The following ABCA10 variants were observed in gnomAD, a reference collection of about 807,000 sequenced individuals.
The protein encoded by ABCA10 is ATP binding cassette subfamily A member 10.
A neutral mutation model predicts 187.5 loss-of-function variants in ABCA10; 169 were observed. The observed-to-expected ratio is 0.90, with a 90% CI of 0.80 to 1.02. The LOEUF is 1.02. Ranked by LOEUF, ABCA10 falls within the 50% of genes least tolerant of loss-of-function variation. ABCA10 has a pLI of 0.00. For missense variants in ABCA10, 1,727 were observed against 1,812.4 expected, an observed-to-expected ratio of 0.95 and a Z score of 0.86; for synonymous variants, 574 against 601.8, an observed-to-expected ratio of 0.95 and a Z score of 0.68.
At chr17:69,176,549 C>G (rs1422214139) in intron 22 of ABCA10, among the ~76,000 whole-genome samples, 1 of 151,852 alleles carries the variant, frequency 6.6e-6, no homozygotes, top group Non-Finnish European at 1.5e-5. Context: ...ACCAGATTAC[C>G]AGGGGCTAAA....
chr17:69,213,163 C>T (rs886235583), intron 9 of ABCA10, among the ~76,000 whole-genome samples: 31 of 152,240 alleles, frequency 2.0e-4, no homozygotes, highest in African/African-American at 7.5e-4. Flanking sequence ...CATTGGCCTC[C>T]AACCAGGAGG....
At chr17:69,181,520 A>G (rs1048600986) in intron 22 of ABCA10, among the ~76,000 whole-genome samples, 1 of 152,008 alleles carries the variant, frequency 6.6e-6, no homozygotes, top group African/African-American at 2.4e-5. Flanking sequence ...GCCATAAAAC[A>G]TAACTCTACA....
chr17:69,194,448 G>A lies in ABCA10; in HGVS notation c.1282C>T (p.His428Tyr). Residue 428 changes from histidine (H) to tyrosine (Y), a missense_variant, in exon 12 of 39, where the codon CAT (histidine) becomes TAT (tyrosine). His to Tyr is a moderately conservative substitution (Grantham distance 83, BLOSUM62 2). Transcript: ENST00000690296. ...YEGQITAILG[H>Y]NGAGKSTLLN... ...AGTGTTGATTTACCAGCTCCATTAT[G>A]CCCAAGTATTGCAGTGATCTGTCCT... is the stretch of plus-strand genomic sequence containing the variant. 2 of 1,613,164 alleles carry A rather than the reference G, an allele frequency of 1.2e-6. No homozygotes were observed. The highest frequency in any genetic ancestry group is 2.2e-5 in the South Asian group (2 of 91,006).
At chr17:69,193,281 C>G (rs769127123) in intron 14 of ABCA10, 33 bp from the exon 15 acceptor site, 1 of 1,603,996 alleles carries the variant, frequency 6.2e-7, no homozygotes, top group South Asian at 1.1e-5. Flanking sequence ...AAGCATCTTC[C>G]TCTTCACAGT....
intron 22 of ABCA10, chr17:69,175,845 G>A (rs917463468): frequency 1.1e-5 from 2 of 177,980 alleles, no homozygotes; most frequent in African/African-American, 4.8e-5. Flanking sequence ...TCTGATAACT[G>A]AAATGGCTAC....
Position 69,149,016 on chromosome 17 carries a change from G to A in ABCA10, c.4533+17C>T, listed in dbSNP as rs748448098. 1.2e-4 allele frequency: 200 copies of A among 1,613,702 alleles called. No individual in the cohort carries two copies. The highest frequency in any genetic ancestry group is 3.8e-4 in the South Asian group (35 of 91,062). ...GAGGTCATCTGGATGGTGCTCACTCGTTCAATGAAAACCCACCTGCTCCAA... is the reference window on the plus strand; with the variant it reads ...GAGGTCATCTGGATGGTGCTCACTCATTCAATGAAAACCCACCTGCTCCAA... On this transcript the variant is annotated intron_variant, in intron 38 of 38. Transcript: ENST00000690296.
chr17:69,175,321 CTGTG>C (rs145234324), intron 23 of ABCA10, 81 bp downstream of exon 23: 5 of 1,144,412 alleles, frequency 4.4e-6, no homozygotes, highest in African/African-American at 3.1e-5. Context: ...CAAAGTACAA[CTGTG>C]TGTGTATAAA....
At chr17:69,153,052 CAG>C (rs971194487) in intron 34 of ABCA10, among the ~76,000 whole-genome samples, 13 of 152,010 alleles carry the variant, frequency 8.6e-5, no homozygotes, top group African/African-American at 2.7e-4. Flanking sequence ...AATAAAAAGA[CAG>C]GGGGAAGAGG....
intron 11 of ABCA10, chr17:69,196,097 G>A: frequency 6.1e-6 from 1 of 163,682 alleles, no homozygotes; most frequent in Non-Finnish European, 1.3e-5. Context: ...GCGGGTGGCG[G>A]CTGGGCAGAG....
chr17:69,172,099 C>G (rs2074302635), intron 25 of ABCA10, among the ~76,000 whole-genome samples: 1 of 150,996 alleles, frequency 6.6e-6, no homozygotes, highest in African/African-American at 2.4e-5. Flanking sequence ...AAAAGAAAAC[C>G]AAAACACTAG....
intron 20 of ABCA10, among the ~76,000 whole-genome samples, chr17:69,184,564 C>A (rs1236298664): frequency 1.3e-5 from 2 of 152,028 alleles, no homozygotes; most frequent in East Asian, 3.9e-4. Flanking sequence ...TAGATGTTGG[C>A]ATGGATGTGA....
chr17:69,162,985 A>T (rs940515338), intron 27 of ABCA10, among the ~76,000 whole-genome samples: 2 of 151,836 alleles, frequency 1.3e-5, no homozygotes, highest in Non-Finnish European at 2.9e-5. Flanking sequence ...TTACAGGCAC[A>T]TGCCAGCACG....
rs184030054 is a variant in ABCA10 at position 69,212,592 on chromosome 17, A to G, written c.1006+2112T>C. 1.7e-3 allele frequency among the ~76,000 whole-genome samples: 256 copies of G among 152,224 alleles called. 1 individual carries two copies. Among genetic ancestry groups the G allele is most frequent in the Non-Finnish European group, 1.8e-3 (124 of 68,006 alleles). On this transcript the variant is annotated intron_variant, in intron 9 of 38. Transcript: ENST00000690296. ...CCCCACTATTATCGTGTTGCCATTT[A>G]TCTCATTTCTTAGGTCTAGTAGTAA...
chr17:69,182,388 G>A, intron 21 of ABCA10, 98 bp from the exon 22 acceptor site: 1 of 1,094,436 alleles, frequency 9.1e-7, no homozygotes. Flanking sequence ...GAATGAGAAG[G>A]AGACTATTAA....
At chr17:69,195,334 G>A (rs2074489965) in intron 11 of ABCA10, among the ~76,000 whole-genome samples, 1 of 151,772 alleles carries the variant, frequency 6.6e-6, no homozygotes, top group Non-Finnish European at 1.5e-5. Flanking sequence ...TTATAAACCG[G>A]TATAAACAGT....
chr17:69,237,741 T>C (rs2074880589), intron 1 of ABCA10, among the ~76,000 whole-genome samples: 1 of 152,122 alleles, frequency 6.6e-6, no homozygotes, highest in Admixed American at 6.5e-5. Context: ...CAAGGTAATA[T>C]TGGAGTAGGG....
chr17:69,198,976 G>C (rs7210259), intron 10 of ABCA10, among the ~76,000 whole-genome samples: 113,457 of 152,092 alleles, frequency 0.75, 42,844 homozygotes, highest in African/African-American at 0.84. Flanking sequence ...CAGATTTGGT[G>C]CCTACCTCTT....
intron 9 of ABCA10, among the ~76,000 whole-genome samples, chr17:69,204,476 TA>T (rs1265343054): frequency 1.3e-5 from 2 of 152,222 alleles, no homozygotes; most frequent in Admixed American, 6.5e-5. Context: ...ACCTATCCTC[TA>T]AATGCAATTT....
At chr17:69,188,715 G>T (rs2074439619) in intron 18 of ABCA10, among the ~76,000 whole-genome samples, 1 of 151,752 alleles carries the variant, frequency 6.6e-6, no homozygotes, top group Non-Finnish European at 1.5e-5. Flanking sequence ...AGGCCCTGGT[G>T]TCTGTTGTTC....
Sources: gnomAD v4.1 joint callset for allele counts (sites outside exome capture counted in the v4.1 genomes callset) on GRCh38, gnomAD v4.1.1 for gene constraint, MANE v1.5 for transcripts, NCBI Gene and HGNC (gene_info 2026-07-23, HGNC 2026-07-21) for gene names.